NLRP7: variants seen among roughly 807,000 people sequenced by gnomAD.
The protein encoded by NLRP7 is NLR family pyrin domain containing 7, also known as NACHT, LRR and PYD domains-containing protein 7.
NLRP7 carries 72 observed loss-of-function variants against 85.5 expected under a neutral mutation model. The ratio of observed to expected loss-of-function variants is 0.84; its 90% CI spans 0.70 to 1.02. NLRP7 has a LOEUF of 1.02. Ranked by LOEUF, NLRP7 falls within the 50% of genes least tolerant of loss-of-function variation. The pLI is 0.00. For missense variants in NLRP7, 1,243 were observed against 1,219.5 expected (o/e 1.02, Z -0.29); for synonymous variants, 550 against 505.2 (o/e 1.09, Z -1.19).
intron 1 of NLRP7, among the ~76,000 whole-genome samples, chr19:54,943,892 T>C (rs185966586): frequency 3.9e-5 from 6 of 152,280 alleles, no homozygotes; most frequent in Admixed American, 3.3e-4. Flanking sequence ...CCCAGAAACA[T>C]GTGCTGTGTC....
intron 9 of NLRP7, among the ~76,000 whole-genome samples, chr19:54,929,270 CAGG>C (rs1416577910): frequency 1.3e-5 from 2 of 151,946 alleles, no homozygotes; most frequent in African/African-American, 4.8e-5. Flanking sequence ...TCAGCTCAAT[CAGG>C]AGAATCGCTT....
At chr19:54,939,978 C>G (rs777452729) in exon 4 of NLRP7, 1 of 1,614,162 alleles carries the variant, frequency 6.2e-7, no homozygotes, top group Non-Finnish European at 8.5e-7. Context: ...CCCAGGAGGA[C>G]GGGCACCGGC....
chr19:54,939,170 A>C, exon 4 of NLRP7: 1 of 1,614,252 alleles, frequency 6.2e-7, no homozygotes. Context: ...GCATTGCAGC[A>C]ATTCCTGTTT....
chr19:54,955,727 C>T (rs2069829608), intron 1 of NLRP7, among the ~76,000 whole-genome samples: 1 of 152,052 alleles, frequency 6.6e-6, no homozygotes, highest in South Asian at 2.1e-4. Flanking sequence ...TCGTAGGTTG[C>T]AGTGAGCCAA....
chr19:54,925,178 G>A (rs2068378481), intron 9 of NLRP7, among the ~76,000 whole-genome samples: 1 of 152,046 alleles, frequency 6.6e-6, no homozygotes, highest in African/African-American at 2.4e-5. Context: ...AGGAGGAACT[G>A]AGGAATGAGA....
At chr19:54,935,105 C>T (rs1264516782) in intron 6 of NLRP7, among the ~76,000 whole-genome samples, 3 of 152,170 alleles carry the variant, frequency 2.0e-5, no homozygotes, top group African/African-American at 4.8e-5. Context: ...CTAATGTTGC[C>T]TCTGCTTCTT....
At chr19:54,931,010 G>GA (rs1216439658) in intron 8 of NLRP7, among the ~76,000 whole-genome samples, 1 of 152,008 alleles carries the variant, frequency 6.6e-6, no homozygotes, top group African/African-American at 2.4e-5. Flanking sequence ...GCGACAGAGC[G>GA]AGACTCCGTC....
chr19:54,964,387 T>A (rs942477127), intron 1 of NLRP7, among the ~76,000 whole-genome samples: 1 of 150,412 alleles, frequency 6.6e-6, no homozygotes, highest in Admixed American at 6.6e-5. Context: ...CGGCTAATTT[T>A]TTGTATTTTT....
chr19:54,947,664 T>A (rs553904132), upstream of NLRP7: 2 of 1,288,062 alleles, frequency 1.6e-6, no homozygotes, highest in Non-Finnish European at 2.0e-6. Context: ...CTGGGCCCCA[T>A]CCTCAGGGAT....
At chr19:54,956,986 G>A (rs902855104) in intron 1 of NLRP7, among the ~76,000 whole-genome samples, 34 of 149,540 alleles carry the variant, frequency 2.3e-4, no homozygotes, top group African/African-American at 8.0e-4. Flanking sequence ...AAGTCTCTAC[G>A]CCTTTTCATT....
At chr19:54,948,623 T>C (rs1157274855), upstream of NLRP7, among the ~76,000 whole-genome samples, 2 of 151,938 alleles carry the variant, frequency 1.3e-5, no homozygotes, top group Non-Finnish European at 2.9e-5. Context: ...CAGGCTGGAG[T>C]GCAGTGGTGC....
chr19:54,938,379 C>G, intron 4 of NLRP7, 138 bp from the exon 5 acceptor site: 1 of 720,068 alleles, frequency 1.4e-6, no homozygotes, highest in Non-Finnish European at 2.5e-6. Context: ...AACAATATTG[C>G]ATCACATGCT....
exon 4 of NLRP7, chr19:54,939,070 C>G: frequency 6.2e-7 from 1 of 1,614,216 alleles, no homozygotes; most frequent in Admixed American, 1.7e-5. Flanking sequence ...CCACCTTCGC[C>G]AGCTCCTCCT....
intron 1 of NLRP7, among the ~76,000 whole-genome samples, chr19:54,954,799 G>A (rs1026592002): frequency 2.6e-5 from 4 of 151,980 alleles, no homozygotes; most frequent in Non-Finnish European, 5.9e-5. Context: ...GTTTCAGTGA[G>A]CCAAGATCAC....
intron 6 of NLRP7, 142 bp downstream of exon 6, chr19:54,936,119 G>A (rs531202408): frequency 2.8e-4 from 205 of 740,620 alleles, no homozygotes; most frequent in Non-Finnish European, 4.0e-4. Flanking sequence ...AGGAGAGGCC[G>A]ACTCCCCCAC....
chr19:54,947,947 A>C, upstream of NLRP7: 1 of 251,430 alleles, frequency 4.0e-6, no homozygotes, highest in Non-Finnish European at 7.9e-6. Flanking sequence ...CAATAAGTCT[A>C]CTTTGTGGCC....
At chr19:54,933,630 T>C in exon 8 of NLRP7, 1 of 1,614,228 alleles carries the variant, frequency 6.2e-7, no homozygotes. Context: ...TTCACCCCTG[T>C]ATCCCCAATG....
intron 2 of NLRP7, 147 bp downstream of exon 2, chr19:54,941,286 CTT>C: frequency 1.5e-6 from 1 of 688,806 alleles, no homozygotes; most frequent in South Asian, 1.7e-5. Flanking sequence ...AGGAGAATCA[CTT>C]GAACCCAGAG....
chr19:54,932,718 C>G (rs1392824353), intron 8 of NLRP7, among the ~76,000 whole-genome samples: 1 of 152,012 alleles, frequency 6.6e-6, no homozygotes, highest in Non-Finnish European at 1.5e-5. Flanking sequence ...TGCAGTGGCG[C>G]CATCTCAGCT....
Sources: allele counts gnomAD v4.1 joint callset (sites outside exome capture counted in the v4.1 genomes callset), GRCh38; gene constraint gnomAD v4.1.1; transcripts MANE v1.5; gene names NCBI Gene and HGNC (gene_info 2026-07-23, HGNC 2026-07-21).